The following ASXL3 variants were observed in gnomAD, a reference collection of about 807,000 sequenced individuals.
ASXL3 encodes the protein putative Polycomb group protein ASXL3.
Under a neutral mutation model 170.6 loss-of-function variants are expected in ASXL3, and 34 were observed. The observed-to-expected ratio is 0.20, with a 90% CI of 0.15 to 0.27. The LOEUF (loss-of-function observed/expected upper bound fraction) is 0.27, where lower values mean the gene tolerates loss of function less well. ASXL3 is among the 10% of genes least tolerant of loss of function. The probability of loss-of-function intolerance (pLI) is 1.00; values close to 1 mark genes in which losing one functional copy is unlikely to be tolerated. For synonymous variants in ASXL3, 1,002 were observed against 989.1 expected, an observed-to-expected ratio of 1.01 and a Z score of -0.24; for missense variants, 2,592 against 2,695.3, an observed-to-expected ratio of 0.96 and a Z score of 0.85.
intron 2 of ASXL3, chr18:33,625,964 A>G (rs1260484295): frequency 6.6e-6 from 1 of 152,104 alleles, no homozygotes; most frequent in East Asian, 1.9e-4. Context: ...TTTGTTTTAG[A>G]TGTATTCTGG....
Position 33,646,265 on chromosome 18 carries a change from A to G in ASXL3, c.267A>G (p.Pro89=). The G allele has an allele frequency of 1.2e-6, 2 of 1,611,446 alleles. No homozygotes were observed. Among genetic ancestry groups the G allele is most frequent in the Non-Finnish European group, 1.7e-6 (2 of 1,178,164 alleles). ...TACAGAAAGAGGAGTCGTCATGCCC[A>G]GCAGATGGCACGTTGGATTTAGTCT... The part of the protein sequence containing the change: ...YALKKEESSC[P]ADGTLDLVCE... Residue 89 remains proline (P), a synonymous_variant, in exon 4 of 12, where the codon CCA becomes CCG. Transcript: ENST00000269197.
intron 8 of ASXL3, among the ~76,000 whole-genome samples, chr18:33,726,090 A>T (rs766818798): frequency 1.3e-5 from 2 of 152,136 alleles, no homozygotes; most frequent in Non-Finnish European, 2.9e-5. Context: ...TCTCAACCTG[A>T]TGTAGTGCTA....
intron 7 of ASXL3, among the ~76,000 whole-genome samples, chr18:33,677,320 A>G (rs1224737212): frequency 4.6e-5 from 7 of 152,224 alleles, no homozygotes; most frequent in Non-Finnish European, 1.0e-4. Context: ...CCAGTGCATT[A>G]TAAACATTAT....
chr18:33,640,818 CTAAT>C (rs962306420), intron 2 of ASXL3, among the ~76,000 whole-genome samples: 203 of 150,788 alleles, frequency 1.3e-3, no homozygotes, highest in African/African-American at 4.7e-3. Context: ...AGCACAGTAA[CTAAT>C]TATGGTGTTT....
At chr18:33,641,897 A>G (rs1041053381) in intron 2 of ASXL3, 2 of 152,484 alleles carry the variant, frequency 1.3e-5, no homozygotes, top group African/African-American at 4.8e-5. Context: ...ACACACACAT[A>G]TAGTTACAGG....
intron 8 of ASXL3, among the ~76,000 whole-genome samples, chr18:33,712,661 A>G (rs529344520): frequency 7.8e-4 from 118 of 152,240 alleles, no homozygotes; most frequent in African/African-American, 2.6e-3. Flanking sequence ...AAAGACTTCA[A>G]GGATCCAGGA....
At chr18:33,717,961 T>C (rs957548722) in intron 8 of ASXL3, among the ~76,000 whole-genome samples, 6 of 152,072 alleles carry the variant, frequency 3.9e-5, no homozygotes, top group African/African-American at 1.4e-4. Flanking sequence ...AAAGCTAAAA[T>C]CTATTGTCTT....
chr18:33,679,457 C>G (rs1319964934), intron 7 of ASXL3, among the ~76,000 whole-genome samples: 1 of 152,032 alleles, frequency 6.6e-6, no homozygotes, highest in African/African-American at 2.4e-5. Flanking sequence ...CTAATACAGT[C>G]TCTCTCATAT....
At chr18:33,692,001 A>G (rs2066693877) in intron 8 of ASXL3, among the ~76,000 whole-genome samples, 1 of 152,222 alleles carries the variant, frequency 6.6e-6, no homozygotes, top group Non-Finnish European at 1.5e-5. Flanking sequence ...GTCTAACCCA[A>G]CTTTTTCCAA....
chr18:33,746,684 A>G lies in ASXL3; in HGVS notation c.*89A>G, dbSNP rs564481055. 2.8e-5 allele frequency: 41 copies of G among 1,477,634 alleles called. No individual in the cohort carries two copies. The South Asian group carries it at 3.3e-4, about 12-fold the overall frequency. 91.5% of individuals were successfully genotyped at this position (1,477,634 alleles called of 1,614,324 possible). On this transcript the variant is annotated 3_prime_UTR_variant, in exon 12 of 12. Transcript: ENST00000269197. The stretch of plus-strand genomic sequence containing the variant: ...CAAATAGAATAATGCAGTGGTTTCT[A>G]TCATGCTAATTTATTTTGCTTTGGA...
At chr18:33,703,010 A>G (rs1448605155) in intron 8 of ASXL3, among the ~76,000 whole-genome samples, 1 of 152,148 alleles carries the variant, frequency 6.6e-6, no homozygotes, top group Non-Finnish European at 1.5e-5. Context: ...ATTAAATTTC[A>G]GTTCCTTTGC....
chr18:33,715,829 G>A (rs893140261), intron 8 of ASXL3, among the ~76,000 whole-genome samples: 4 of 152,184 alleles, frequency 2.6e-5, no homozygotes, highest in African/African-American at 9.6e-5. Context: ...AGGTAATAAA[G>A]AGAAGGGGAT....
In ASXL3 at chr18:33,747,473, C is replaced by T. The variant is rs886098242; in HGVS notation, c.*878C>T. ...AAGGAAATAAGATGCTGTATATGCA[C>T]ACATAAATGCATTGATAATGTAAAT... On this transcript the variant is annotated 3_prime_UTR_variant, in exon 12 of 12. Coordinates refer to ENST00000269197, the MANE Select transcript of ASXL3 (RefSeq NM_030632.3). 6 of 150,036 alleles carry T rather than the reference C, an allele frequency of 4.0e-5. No individual in the cohort carries two copies. Among genetic ancestry groups the T allele is most frequent in the Admixed American group, 6.6e-5 (1 of 15,052 alleles). The allele number at this position is 150,036 out of a possible 1,614,324, so 9.3% of individuals were successfully genotyped here. A position where few individuals can be genotyped will look rare whatever the true frequency, so the allele number is the denominator to read the frequency against.
chr18:33,582,738 GTGTTTTC>G (rs2065004557), intron 1 of ASXL3, among the ~76,000 whole-genome samples: 1 of 136,826 alleles, frequency 7.3e-6, no homozygotes. Context: ...GTGTGTGTGT[GTGTTTTC>G]TTGGTAGTTC....
intron 1 of ASXL3, among the ~76,000 whole-genome samples, chr18:33,589,088 G>GAT (rs1486317253): frequency 6.6e-6 from 1 of 152,100 alleles, no homozygotes; most frequent in Non-Finnish European, 1.5e-5. Flanking sequence ...AGACAGTGTA[G>GAT]ATTAATGATG....
rs1331729227 is a variant in ASXL3 at position 33,745,976 on chromosome 18, C to G, written c.6128C>G (p.Pro2043Arg). 1.3e-6 allele frequency: 2 copies of G among 1,596,576 alleles called. No individual in the cohort carries two copies. Among genetic ancestry groups the G allele is most frequent in the Non-Finnish European group, 8.5e-7 (1 of 1,173,134 alleles). ...PPPPPPPPLPPPLPNAEVPSD... is the reference protein window; with the variant it reads ...PPPPPPPPLPRPLPNAEVPSD... The stretch of plus-strand genomic sequence containing the variant: ...CCCCCCCCACCACCTCCGCTACCTC[C>G]ACCTCTCCCTAATGCAGAAGTCCCA... Residue 2043 changes from proline (P) to arginine (R), a missense_variant, in exon 12 of 12, where the codon CCA becomes CGA. Physicochemically the swap from Pro to Arg is moderately radical, Grantham distance 103 (BLOSUM62 -2). Transcript: ENST00000269197.
intron 8 of ASXL3, among the ~76,000 whole-genome samples, chr18:33,688,386 TA>T (rs766894645): frequency 6.6e-6 from 1 of 152,244 alleles, no homozygotes; most frequent in Non-Finnish European, 1.5e-5. Context: ...GTTTTATTTT[TA>T]ACATATTGGA....
In ASXL3 at chr18:33,717,604, A is replaced by G. The variant is rs532202015; in HGVS notation, c.880-14364A>G. ...CTGGGCTTAGTAGACCAATTTTCTA[A>G]CTTGAAATCAAGCTCTCTTTCCACT... On this transcript the variant is annotated intron_variant, in intron 8 of 11. Transcript: ENST00000269197. Among the ~76,000 whole-genome samples, 7 of 152,240 alleles carry G rather than the reference A, an allele frequency of 4.6e-5. No individual in the cohort carries two copies. In the South Asian group the frequency reaches 1.0e-3, roughly 23 times the overall value.
At chr18:33,663,069 C>T (rs1187679896) in intron 5 of ASXL3, among the ~76,000 whole-genome samples, 1 of 152,150 alleles carries the variant, frequency 6.6e-6, no homozygotes, top group Non-Finnish European at 1.5e-5. Context: ...GGAAAGCTTG[C>T]CACTTACTGC....
Sources: gnomAD v4.1 joint callset for allele counts (sites outside exome capture counted in the v4.1 genomes callset) on GRCh38, gnomAD v4.1.1 for gene constraint, MANE v1.5 for transcripts, NCBI Gene and HGNC (gene_info 2026-07-23, HGNC 2026-07-21) for gene names.